FAM110B: variants seen among roughly 807,000 people sequenced by gnomAD.
FAM110B encodes the protein protein FAM110B.
FAM110B carries 6 observed loss-of-function variants against 20.4 expected under a neutral mutation model. The ratio of observed to expected loss-of-function variants is 0.29; its 90% confidence interval spans 0.16 to 0.58. FAM110B has a LOEUF of 0.58. FAM110B is among the 20% of genes least tolerant of loss of function. FAM110B has a pLI of 0.90. For missense variants in FAM110B, 434 were observed against 498.2 expected, an observed-to-expected ratio of 0.87 and a Z score of 1.23; for synonymous variants, 226 against 214.1, an observed-to-expected ratio of 1.06 and a Z score of -0.49.
intron 3 of FAM110B, among the ~76,000 whole-genome samples, chr8:58,116,605 A>T (rs948648498): frequency 2.6e-5 from 4 of 152,164 alleles, no homozygotes; most frequent in Non-Finnish European, 5.9e-5. Flanking sequence ...GCCAACCCTA[A>T]TATTCAGACC....
intron 3 of FAM110B, among the ~76,000 whole-genome samples, chr8:58,130,636 C>A (rs1251207840): frequency 1.3e-5 from 2 of 152,204 alleles, no homozygotes; most frequent in East Asian, 3.8e-4. Flanking sequence ...CATGTCAATA[C>A]CTCCAGTGCT....
chr8:58,002,446 T>A (rs1804316255), intron 1 of FAM110B, among the ~76,000 whole-genome samples: 1 of 152,238 alleles, frequency 6.6e-6, no homozygotes, highest in African/African-American at 2.4e-5. Context: ...AACATCATAC[T>A]TTTTCCTTCC....
At chr8:58,023,252 A>G (rs571505308) in intron 1 of FAM110B, among the ~76,000 whole-genome samples, 1 of 152,210 alleles carries the variant, frequency 6.6e-6, no homozygotes, top group Non-Finnish European at 1.5e-5. Context: ...AATTTAAAAG[A>G]TCAGCCTCCA....
chr8:58,090,010 G>A (rs1806434166), intron 3 of FAM110B, among the ~76,000 whole-genome samples: 1 of 152,104 alleles, frequency 6.6e-6, no homozygotes, highest in African/African-American at 2.4e-5. Context: ...ATTTTCTTCT[G>A]CCTCTGCCAC....
intron 1 of FAM110B, among the ~76,000 whole-genome samples, chr8:58,027,967 T>C (rs1162047150): frequency 2.0e-5 from 3 of 152,352 alleles, no homozygotes; most frequent in Non-Finnish European, 2.9e-5. Context: ...ATATACTTAG[T>C]AGTAGCATTG....
chr8:58,122,510 T>G (rs1271473660), intron 3 of FAM110B, among the ~76,000 whole-genome samples: 1 of 152,208 alleles, frequency 6.6e-6, no homozygotes, highest in Non-Finnish European at 1.5e-5. Context: ...TTTCTAACTT[T>G]TGTCATTTTA....
chr8:58,099,034 G>A (rs917726847), intron 3 of FAM110B: 2 of 152,198 alleles, frequency 1.3e-5, no homozygotes, highest in Non-Finnish European at 2.9e-5. Context: ...TGTGCAGACA[G>A]GATACATTCT....
At chr8:58,019,656 T>C (rs1451602591) in intron 1 of FAM110B, among the ~76,000 whole-genome samples, 2 of 152,118 alleles carry the variant, frequency 1.3e-5, no homozygotes, top group Non-Finnish European at 2.9e-5. Flanking sequence ...TCTTGCAGCA[T>C]TGTAAATATG....
chr8:58,061,325 A>G (rs763269086), intron 2 of FAM110B, among the ~76,000 whole-genome samples: 83 of 152,288 alleles, frequency 5.5e-4, no homozygotes, highest in Non-Finnish European at 6.5e-4. Context: ...ATTTCTTCCT[A>G]TTACAGAATA....
intron 1 of FAM110B, among the ~76,000 whole-genome samples, chr8:57,999,518 A>AT (rs59392806): frequency 0.013 from 1,948 of 149,624 alleles, 40 homozygotes; most frequent in African/African-American, 0.044. Flanking sequence ...CTCGCCAGTG[A>AT]TTTTTTTTTT....
intron 2 of FAM110B, among the ~76,000 whole-genome samples, chr8:58,057,477 G>C (rs1805570809): frequency 6.6e-6 from 1 of 152,116 alleles, no homozygotes; most frequent in African/African-American, 2.4e-5. Flanking sequence ...ATGGCTTTCA[G>C]GTTTTCTTAT....
At chr8:58,087,673 G>C (rs1806371907) in intron 3 of FAM110B, among the ~76,000 whole-genome samples, 1 of 152,192 alleles carries the variant, frequency 6.6e-6, no homozygotes, top group Admixed American at 6.5e-5. Flanking sequence ...GTTCCCTGGA[G>C]TATTAGTGGT....
intron 3 of FAM110B, among the ~76,000 whole-genome samples, chr8:58,109,743 C>T (rs1807015222): frequency 6.6e-6 from 1 of 152,206 alleles, no homozygotes; most frequent in South Asian, 2.1e-4. Context: ...TCCCCAGTGA[C>T]ATCGGAAACA....
intron 3 of FAM110B, among the ~76,000 whole-genome samples, chr8:58,097,972 C>T (rs545313681): frequency 6.6e-6 from 1 of 152,324 alleles, no homozygotes; most frequent in Non-Finnish European, 1.5e-5. Context: ...CCAGCTGGAG[C>T]TCTCCTGTGT....
chr8:58,112,082 T>C (rs1807071220), intron 3 of FAM110B, among the ~76,000 whole-genome samples: 1 of 152,186 alleles, frequency 6.6e-6, no homozygotes, highest in Non-Finnish European at 1.5e-5. Flanking sequence ...CCCAGCACTT[T>C]GGGAGGCCAA....
intron 3 of FAM110B, among the ~76,000 whole-genome samples, chr8:58,077,502 G>T (rs1039805728): frequency 6.6e-5 from 10 of 152,196 alleles, no homozygotes; most frequent in Non-Finnish European, 1.2e-4. Flanking sequence ...CTACAGAGTT[G>T]AGTAGACCTG....
chr8:58,086,980 C>T (rs572905914), intron 3 of FAM110B, among the ~76,000 whole-genome samples: 1 of 152,318 alleles, frequency 6.6e-6, no homozygotes, highest in Admixed American at 6.5e-5. Flanking sequence ...ACACATAGCA[C>T]GTGATCATGG....
At chr8:58,039,098 G>C (rs1208382177) in intron 2 of FAM110B, among the ~76,000 whole-genome samples, 3 of 152,238 alleles carry the variant, frequency 2.0e-5, no homozygotes, top group Non-Finnish European at 4.4e-5. Flanking sequence ...TGGAGGAGCT[G>C]AGGAAAGCAT....
At chr8:58,140,410 G>A (rs564732645) in intron 3 of FAM110B, among the ~76,000 whole-genome samples, 1 of 152,264 alleles carries the variant, frequency 6.6e-6, no homozygotes, top group East Asian at 1.9e-4. Context: ...TTCCAGATGG[G>A]AAATCTGAGG....
Sources: gnomAD v4.1 joint callset for allele counts (sites outside exome capture counted in the v4.1 genomes callset) on GRCh38, gnomAD v4.1.1 for gene constraint, MANE v1.5 for transcripts, NCBI Gene and HGNC (gene_info 2026-07-23, HGNC 2026-07-21) for gene names.